The following ATP8A2 variants were observed in gnomAD, a reference collection of about 807,000 sequenced individuals.
ATP8A2 encodes phospholipid-transporting ATPase IB.
A neutral mutation model predicts 165.6 loss-of-function variants in ATP8A2; 100 were observed. That is an observed-to-expected ratio of 0.60 (90% confidence interval 0.51 to 0.71). The LOEUF is 0.71. Ranked by LOEUF, ATP8A2 falls within the 30% of genes least tolerant of loss-of-function variation. The pLI is 0.00. For missense variants in ATP8A2, 1,227 were observed against 1,479.5 expected (o/e 0.83, Z 2.80); for synonymous variants, 543 against 548.8 (o/e 0.99, Z 0.15).
intron 27 of ATP8A2, among the ~76,000 whole-genome samples, chr13:25,816,692 G>A (rs563876130): frequency 6.6e-6 from 1 of 152,320 alleles, no homozygotes; most frequent in East Asian, 1.9e-4. Flanking sequence ...TTAGTAAACA[G>A]TTCAGTAACT....
intron 33 of ATP8A2, among the ~76,000 whole-genome samples, chr13:25,952,306 A>G (rs557533130): frequency 2.0e-4 from 30 of 152,160 alleles, no homozygotes; most frequent in African/African-American, 6.7e-4. Flanking sequence ...TCAGCCTGGA[A>G]TTTGCTTCCT....
At chr13:25,542,641 T>C (rs1278922625) in intron 9 of ATP8A2, among the ~76,000 whole-genome samples, 1 of 152,110 alleles carries the variant, frequency 6.6e-6, no homozygotes, top group Non-Finnish European at 1.5e-5. Flanking sequence ...TAACCCAGCC[T>C]CTTGCAATGT....
intron 24 of ATP8A2, among the ~76,000 whole-genome samples, chr13:25,691,283 TG>T (rs2137865636): frequency 6.6e-6 from 1 of 152,322 alleles, no homozygotes; most frequent in South Asian, 2.1e-4. Context: ...TACCTGACTC[TG>T]TACCTTTGGC....
At chr13:25,432,085 G>A (rs1455262537) in intron 1 of ATP8A2, among the ~76,000 whole-genome samples, 1 of 152,144 alleles carries the variant, frequency 6.6e-6, no homozygotes, top group Non-Finnish European at 1.5e-5. Flanking sequence ...TTTATTTACT[G>A]CTGAATAATA....
intron 24 of ATP8A2, among the ~76,000 whole-genome samples, chr13:25,629,725 T>C (rs1208465035): frequency 6.6e-6 from 1 of 152,152 alleles, no homozygotes; most frequent in Non-Finnish European, 1.5e-5. Flanking sequence ...CCTTCCACCC[T>C]CTGCCTTTTT....
intron 1 of ATP8A2, among the ~76,000 whole-genome samples, chr13:25,422,130 T>C (rs549749819): frequency 6.6e-6 from 1 of 152,316 alleles, no homozygotes; most frequent in East Asian, 1.9e-4. Context: ...CTCTTTTTTT[T>C]CTGGCTTGTT....
chr13:25,396,856 A>G (rs943749449), intron 1 of ATP8A2, among the ~76,000 whole-genome samples: 1 of 152,230 alleles, frequency 6.6e-6, no homozygotes, highest in African/African-American at 2.4e-5. Context: ...ATCCACTGGC[A>G]TGACTGTGGT....
At chr13:26,013,020 T>C (rs1460449934) in intron 36 of ATP8A2, among the ~76,000 whole-genome samples, 2 of 152,050 alleles carry the variant, frequency 1.3e-5, no homozygotes, top group African/African-American at 4.8e-5. Context: ...ATCATGCTTC[T>C]CCCAGGAAGG....
intron 34 of ATP8A2, among the ~76,000 whole-genome samples, chr13:25,961,881 G>A (rs531907612): frequency 1.4e-4 from 21 of 152,238 alleles, no homozygotes; most frequent in African/African-American, 4.8e-4. Context: ...AAAATCAGCT[G>A]GGCATGGCAG....
At chr13:25,866,406 T>C (rs932873433) in intron 33 of ATP8A2, among the ~76,000 whole-genome samples, 3 of 152,182 alleles carry the variant, frequency 2.0e-5, no homozygotes, top group Non-Finnish European at 2.9e-5. Context: ...CCTGGAGTGA[T>C]GAATTGTTTT....
rs1488656371 is a variant in ATP8A2, at chr13:25,559,048, G to A, written c.1339G>A (p.Gly447Arg). ...GAACTTTAAGAAGTGCAGCATTGCC[G>A]GAGTAACCTATGGGTCAGTGTGTTT... ...IMNFKKCSIA[G>R]VTYGHFPELA... Residue 447 changes from glycine (G) to arginine (R), a missense_variant, in exon 14 of 37, where the codon GGA becomes AGA. Coordinates refer to ENST00000381655, the MANE Select transcript of ATP8A2 (RefSeq NM_016529.6). The A allele has an allele frequency of 2.5e-6, 4 of 1,607,970 alleles. No individual in the cohort carries two copies. Among genetic ancestry groups the A allele is most frequent in the Admixed American group, 1.7e-5 (1 of 59,640 alleles).
At chr13:25,759,218 A>T (rs1019353283) in intron 25 of ATP8A2, among the ~76,000 whole-genome samples, 1 of 152,184 alleles carries the variant, frequency 6.6e-6, no homozygotes, top group African/African-American at 2.4e-5. Context: ...AGGAAGTTAC[A>T]GTTTGGTGTA....
chr13:25,986,671 G>A (rs9551230), intron 35 of ATP8A2, among the ~76,000 whole-genome samples: 107,248 of 152,134 alleles, frequency 0.7, 38,926 homozygotes, highest in African/African-American at 0.87. Flanking sequence ...GAACATGGCA[G>A]TGCGGATGTC....
chr13:25,878,474 T>C (rs1274832822), intron 33 of ATP8A2, among the ~76,000 whole-genome samples: 1 of 87,944 alleles, frequency 1.1e-5, no homozygotes, highest in Non-Finnish European at 2.2e-5. Flanking sequence ...GACTATTCCA[T>C]AGGCAGAGCT....
chr13:25,581,425 G>T lies in ATP8A2; in HGVS notation c.2008-394G>T, dbSNP rs2039774600. On this transcript the variant is annotated intron_variant, in intron 22 of 36. Transcript: ENST00000381655. Reference sequence around the variant, plus strand: ...AGGTCTCTTACTCCTATTTTGCCAGGTAAGTGTATTATCTAGAATTAGTTC... The same window carrying T: ...AGGTCTCTTACTCCTATTTTGCCAGTTAAGTGTATTATCTAGAATTAGTTC... Among the ~76,000 whole-genome samples, 4 of 152,154 alleles carry T rather than the reference G, an allele frequency of 2.6e-5. No individual in the cohort carries two copies. The South Asian group carries it at 8.3e-4, about 32-fold the overall frequency.
At chr13:25,980,344 A>G (rs1395140502) in intron 35 of ATP8A2, among the ~76,000 whole-genome samples, 4 of 152,098 alleles carry the variant, frequency 2.6e-5, no homozygotes, top group Admixed American at 6.5e-5. Flanking sequence ...TCAGGGTCAT[A>G]TTTTCTGAGC....
At chr13:25,745,715 A>T (rs914707319) in intron 25 of ATP8A2, among the ~76,000 whole-genome samples, 10 of 152,204 alleles carry the variant, frequency 6.6e-5, no homozygotes, top group Admixed American at 5.2e-4. Flanking sequence ...TTGAGATGAC[A>T]CTTGTATGAA....
chr13:25,543,729 C>G (rs2038557002), intron 10 of ATP8A2, among the ~76,000 whole-genome samples: 1 of 152,044 alleles, frequency 6.6e-6, no homozygotes, highest in African/African-American at 2.4e-5. Flanking sequence ...CCTCTTTATC[C>G]CATTAATTAG....
At chr13:25,693,854 T>C (rs1323279962) in intron 24 of ATP8A2, among the ~76,000 whole-genome samples, 1 of 152,074 alleles carries the variant, frequency 6.6e-6, no homozygotes, top group Non-Finnish European at 1.5e-5. Context: ...CACACTTTTC[T>C]AATTTTTGGG....
Sources: gnomAD v4.1 joint callset for allele counts (sites outside exome capture counted in the v4.1 genomes callset) on GRCh38, gnomAD v4.1.1 for gene constraint, MANE v1.5 for transcripts, NCBI Gene and HGNC (gene_info 2026-07-23, HGNC 2026-07-21) for gene names.